Variants in ADAMTSL1 observed in about 807,000 individuals in gnomAD.
ADAMTSL1 encodes the protein ADAMTS like 1.
In ADAMTSL1, 126 loss-of-function variants were observed where a neutral mutation model predicts 201.8. That is an observed-to-expected ratio of 0.62 (90% confidence interval 0.54 to 0.72). The LOEUF is 0.72. Among genes scored for constraint, ADAMTSL1 ranks in the 30% least tolerant of loss-of-function variants. The pLI is 0.00. For missense variants in ADAMTSL1, 2,679 were observed against 2,277.8 expected (o/e 1.18, Z -3.59); for synonymous variants, 1,121 against 903.4 (o/e 1.24, Z -4.32).
At chr9:18,488,020 T>C (rs1419591393) in intron 1 of ADAMTSL1, among the ~76,000 whole-genome samples, 1 of 152,358 alleles carries the variant, frequency 6.6e-6, no homozygotes, top group South Asian at 2.1e-4. Flanking sequence ...GAATGTCACT[T>C]CAGTCTATAG....
chr9:18,310,369 CAAAAAAAAAAAAAAAA>C (rs570081965), intron 2 of ADAMTSL1, among the ~76,000 whole-genome samples: 1 of 35,278 alleles, frequency 2.8e-5, no homozygotes. Flanking sequence ...TTCTGCATAG[CAAAAAAAAAAAAAAAA>C]AAAAAAAAAA....
chr9:18,873,691 T>C (rs547391965), intron 23 of ADAMTSL1, among the ~76,000 whole-genome samples: 9 of 152,308 alleles, frequency 5.9e-5, no homozygotes, highest in Non-Finnish European at 1.0e-4. Context: ...CAATGCTGTT[T>C]TGGTGACTAT....
At chr9:18,372,318 A>C (rs1025940612) in intron 2 of ADAMTSL1, among the ~76,000 whole-genome samples, 2 of 152,220 alleles carry the variant, frequency 1.3e-5, no homozygotes, top group Non-Finnish European at 2.9e-5. Context: ...GATACGAATG[A>C]GTAACCAGAA....
chr9:18,680,764 A>C lies in ADAMTSL1; in HGVS notation c.1341+248A>C, dbSNP rs573089850. 101 of 498,266 alleles carry C rather than the reference A, an allele frequency of 2.0e-4. 1 individual carries two copies. In the South Asian group the frequency reaches 2.3e-3, roughly 11 times the overall value. 30.9% of individuals were successfully genotyped at this position (498,266 alleles called of 1,614,324 possible). A position where few individuals can be genotyped will look rare whatever the true frequency, so the allele number is the denominator to read the frequency against. ...ATTGTTCCCCAGATAATGTTCCCTC[A>C]AATAGCACGGGGAAGCAACTGCCTT... On this transcript the variant is annotated intron_variant, in intron 11 of 28. Transcript: ENST00000380548.
At chr9:18,310,813 A>T (rs1387066557) in intron 2 of ADAMTSL1, among the ~76,000 whole-genome samples, 2 of 152,192 alleles carry the variant, frequency 1.3e-5, no homozygotes, top group Non-Finnish European at 2.9e-5. Context: ...TCAAGGATCT[A>T]GAACCAGAAA....
chr9:18,437,989 G>A (rs1819816278), intron 2 of ADAMTSL1, among the ~76,000 whole-genome samples: 2 of 152,160 alleles, frequency 1.3e-5, no homozygotes, highest in Admixed American at 6.5e-5. Flanking sequence ...CGCTGCTGTT[G>A]CTGCCTGCTG....
At chr9:18,035,176 G>C (rs1586926775) in intron 1 of ADAMTSL1, among the ~76,000 whole-genome samples, 1 of 145,380 alleles carries the variant, frequency 6.9e-6, no homozygotes, top group African/African-American at 2.5e-5. Flanking sequence ...TGCATAAAGA[G>C]AGCTTTAAAA....
intron 19 of ADAMTSL1, among the ~76,000 whole-genome samples, chr9:18,784,490 C>T (rs1821586634): frequency 6.6e-6 from 1 of 152,148 alleles, no homozygotes; most frequent in South Asian, 2.1e-4. Flanking sequence ...GTCTGGATTT[C>T]CTATGCCATT....
intron 2 of ADAMTSL1, among the ~76,000 whole-genome samples, chr9:18,275,588 A>C (rs1327933840): frequency 6.6e-6 from 1 of 152,082 alleles, no homozygotes; most frequent in Non-Finnish European, 1.5e-5. Flanking sequence ...CTTTTCTAGA[A>C]TTTTCTGTAA....
chr9:18,764,903 T>C (rs556357005), intron 16 of ADAMTSL1, among the ~76,000 whole-genome samples: 27 of 152,250 alleles, frequency 1.8e-4, no homozygotes, highest in Non-Finnish European at 1.8e-4. Context: ...GTCTGTGCCT[T>C]AAATCAAGTC....
intron 1 of ADAMTSL1, among the ~76,000 whole-genome samples, chr9:18,479,636 C>T (rs1186298267): frequency 6.6e-6 from 1 of 152,062 alleles, no homozygotes; most frequent in East Asian, 1.9e-4. Flanking sequence ...TTATCTGTGC[C>T]ATCGCCCATC....
intron 2 of ADAMTSL1, among the ~76,000 whole-genome samples, chr9:18,509,912 T>G (rs1817931525): frequency 6.6e-6 from 1 of 152,218 alleles, no homozygotes; most frequent in Non-Finnish European, 1.5e-5. Flanking sequence ...TTCTGTCTCA[T>G]TTCTCCACTC....
chr9:18,190,114 A>C lies in ADAMTSL1; in HGVS notation c.207+26133A>C, dbSNP rs150538552. On this transcript the variant is annotated intron_variant, in intron 2 of 29. Transcript: ENST00000680146. ...ACTGCACATTGCATAATGTGATACA[A>C]TAGTCACAGAAGCTCAGAAATTCAG... Among the ~76,000 whole-genome samples the C allele has an allele frequency of 1.8e-3, 271 of 152,324 alleles. 2 individuals are homozygous for C. Among genetic ancestry groups the C allele is most frequent in the African/African-American group, 6.3e-3 (264 of 41,586 alleles).
intron 1 of ADAMTSL1, among the ~76,000 whole-genome samples, chr9:18,148,024 C>G (rs940932086): frequency 2.0e-5 from 3 of 152,028 alleles, no homozygotes; most frequent in Admixed American, 2.0e-4. Flanking sequence ...CCTCCAGCAC[C>G]TGACACAGCT....
At chr9:18,426,121 T>C (rs1226648604) in intron 2 of ADAMTSL1, among the ~76,000 whole-genome samples, 1 of 152,104 alleles carries the variant, frequency 6.6e-6, no homozygotes, top group Non-Finnish European at 1.5e-5. Flanking sequence ...CCCCTAAAGT[T>C]CTCAGAATCA....
chr9:18,645,747 T>C (rs1168437720), intron 7 of ADAMTSL1, among the ~76,000 whole-genome samples: 1 of 146,794 alleles, frequency 6.8e-6, no homozygotes, highest in African/African-American at 2.5e-5. Context: ...CATTGATCTA[T>C]ATCTCTGTTT....
At chr9:18,510,198 A>T (rs1255555490) in intron 2 of ADAMTSL1, among the ~76,000 whole-genome samples, 1 of 152,202 alleles carries the variant, frequency 6.6e-6, no homozygotes, top group African/African-American at 2.4e-5. Context: ...CCAATATGAA[A>T]GAAATGTAAA....
chr9:18,544,702 C>T (rs1820368214), intron 3 of ADAMTSL1, among the ~76,000 whole-genome samples: 1 of 152,150 alleles, frequency 6.6e-6, no homozygotes, highest in African/African-American at 2.4e-5. Flanking sequence ...ATGGCTAATG[C>T]CAAGCATCTA....
intron 2 of ADAMTSL1, among the ~76,000 whole-genome samples, chr9:18,401,237 A>C (rs1817972266): frequency 6.6e-6 from 1 of 152,220 alleles, no homozygotes; most frequent in African/African-American, 2.4e-5. Flanking sequence ...TCAGTTCATT[A>C]GCTTTCCACC....
Sources: allele counts gnomAD v4.1 joint callset (sites outside exome capture counted in the v4.1 genomes callset), GRCh38; gene constraint gnomAD v4.1.1; transcripts MANE v1.5; gene names NCBI Gene and HGNC (gene_info 2026-07-23, HGNC 2026-07-21).